The following PTPRT variants were observed in gnomAD, a reference collection of about 807,000 sequenced individuals.
PTPRT encodes the protein receptor-type tyrosine-protein phosphatase T.
In PTPRT, 56 loss-of-function variants were observed where a neutral mutation model predicts 176.8. That is an observed-to-expected ratio of 0.32 (90% CI 0.26 to 0.40). The LOEUF (loss-of-function observed/expected upper bound fraction) is 0.40, where lower values mean the gene tolerates loss of function less well. Among genes scored for constraint, PTPRT ranks in the 10% least tolerant of loss-of-function variants. The pLI is 1.00. For synonymous variants in PTPRT, 783 were observed against 739.0 expected (o/e 1.06, Z -0.96); for missense variants, 1,540 against 1,908.2 (o/e 0.81, Z 3.60).
intron 1 of PTPRT, among the ~76,000 whole-genome samples, chr20:43,149,435 T>C (rs17750974): frequency 0.038 from 5,727 of 152,238 alleles, 139 homozygotes; most frequent in Non-Finnish European, 0.052. Context: ...AGACAATGTA[T>C]AAGGCACAGT....
intron 1 of PTPRT, among the ~76,000 whole-genome samples, chr20:43,153,518 T>G (rs1419983463): frequency 6.6e-6 from 1 of 152,228 alleles, no homozygotes; most frequent in African/African-American, 2.4e-5. Flanking sequence ...GTTAGTTCCC[T>G]GCCTTCAGGA....
intron 9 of PTPRT, among the ~76,000 whole-genome samples, chr20:42,426,360 C>G (rs756079020): frequency 1.3e-5 from 2 of 152,096 alleles, no homozygotes; most frequent in African/African-American, 4.8e-5. Flanking sequence ...TGGGGATGTT[C>G]AGAGAGGAAA....
At chr20:42,095,228 G>GC (rs1294134380) in intron 27 of PTPRT, among the ~76,000 whole-genome samples, 1 of 152,168 alleles carries the variant, frequency 6.6e-6, no homozygotes, top group Non-Finnish European at 1.5e-5. Context: ...CAACACAGCA[G>GC]CCAGAGGGAT....
intron 9 of PTPRT, among the ~76,000 whole-genome samples, chr20:42,412,240 T>C (rs1032746575): frequency 2.6e-5 from 4 of 152,150 alleles, no homozygotes; most frequent in African/African-American, 9.7e-5. Flanking sequence ...ACTTAAAATA[T>C]AGGCAAGCAG....
chr20:42,678,420 C>T (rs755298934), intron 6 of PTPRT, among the ~76,000 whole-genome samples: 7 of 152,196 alleles, frequency 4.6e-5, no homozygotes, highest in Non-Finnish European at 1.0e-4. Context: ...CATGCCTCAG[C>T]CTCCCAAGTA....
rs183650495 is a variant in PTPRT at position 42,345,518 on chromosome 20, G to T, written c.1865+5110C>A. Among the ~76,000 whole-genome samples, 563 of 144,480 alleles carry T rather than the reference G, an allele frequency of 3.9e-3. 5 individuals are homozygous for T. Among genetic ancestry groups the T allele is most frequent in the African/African-American group, 0.014 (533 of 39,106 alleles). 94.8% of individuals were successfully genotyped at this position (144,480 alleles called of 152,430 possible). A position where few individuals can be genotyped will look rare whatever the true frequency, so the allele number is the denominator to read the frequency against. On this transcript the variant is annotated intron_variant, in intron 11 of 30. Transcript: ENST00000373187. The stretch of plus-strand genomic sequence containing the variant: ...CATATATATAAAACTAGTTACTATA[G>T]ATATACATATATATATAAAACTAGT...
At chr20:42,952,806 C>T (rs1279019843) in intron 1 of PTPRT, among the ~76,000 whole-genome samples, 1 of 152,224 alleles carries the variant, frequency 6.6e-6, no homozygotes, top group Admixed American at 6.5e-5. Context: ...CTACCAGCAT[C>T]TTGCTTTATG....
intron 6 of PTPRT, among the ~76,000 whole-genome samples, chr20:42,740,693 G>A (rs968831091): frequency 7.2e-5 from 11 of 152,212 alleles, no homozygotes; most frequent in Non-Finnish European, 1.3e-4. Flanking sequence ...GGGAAGAACT[G>A]GCAAGTGGGG....
chr20:42,141,255 C>T (rs1026469238), intron 18 of PTPRT, among the ~76,000 whole-genome samples: 1 of 152,166 alleles, frequency 6.6e-6, no homozygotes, highest in Non-Finnish European at 1.5e-5. Flanking sequence ...ATCTGTGTTG[C>T]CCTAAACTCT....
At chr20:42,262,097 G>A (rs1030562855) in intron 13 of PTPRT, among the ~76,000 whole-genome samples, 3 of 152,216 alleles carry the variant, frequency 2.0e-5, no homozygotes, top group Middle Eastern at 3.2e-3. Flanking sequence ...CAGCAAGCAC[G>A]GAATTGATTG....
intron 5 of PTPRT, among the ~76,000 whole-genome samples, chr20:42,761,555 T>G (rs916984707): frequency 2.0e-5 from 3 of 152,256 alleles, no homozygotes; most frequent in African/African-American, 7.2e-5. Flanking sequence ...TTAACAAACC[T>G]TCCTGGGGAT....
chr20:42,367,253 T>C (rs564055828), intron 9 of PTPRT, among the ~76,000 whole-genome samples: 315 of 152,326 alleles, frequency 2.1e-3, no homozygotes, highest in Middle Eastern at 0.01. Context: ...GAAGTTGAAA[T>C]GTGTCCATGT....
rs369797500 is a variant in PTPRT, at chr20:42,527,036, T to C, written c.1154-54474A>G. On this transcript the variant is annotated intron_variant, in intron 7 of 30. Coordinates refer to ENST00000373187, the MANE Select transcript of PTPRT (RefSeq NM_007050.6). ...TGGAGTGCAGTGGCACGATCTCAGCTCACTGCAAGCTCCTCCTCCCGGGTT... is the reference window on the plus strand; with the variant it reads ...TGGAGTGCAGTGGCACGATCTCAGCCCACTGCAAGCTCCTCCTCCCGGGTT... Among the ~76,000 whole-genome samples the C allele has an allele frequency of 1.3e-4, 18 of 137,838 alleles. No homozygotes were observed. In the East Asian group the frequency reaches 1.9e-3, roughly 15 times the overall value. 90.4% of individuals were successfully genotyped at this position (137,838 alleles called of 152,430 possible).
At chr20:42,964,630 A>G (rs1982192821) in intron 1 of PTPRT, among the ~76,000 whole-genome samples, 1 of 152,188 alleles carries the variant, frequency 6.6e-6, no homozygotes, top group Non-Finnish European at 1.5e-5. Context: ...GACTAATATA[A>G]TTAGTAATAT....
chr20:43,126,368 AAAG>A (rs1452037915), intron 1 of PTPRT, among the ~76,000 whole-genome samples: 1 of 151,666 alleles, frequency 6.6e-6, no homozygotes, highest in African/African-American at 2.4e-5. Flanking sequence ...AAAAAAAAAG[AAAG>A]AAAAAAAAAA....
Position 42,672,427 on chromosome 20 carries a change from G to A in PTPRT, c.1153+5439C>T, listed in dbSNP as rs773422835. On this transcript the variant is annotated intron_variant, in intron 7 of 30. Transcript: ENST00000373187. ...ACAGCCTAGACCTCACCTTGTGATC[G>A]TGTGAGTCAATACTCCTTAATAAAC... 3.9e-5 allele frequency among the ~76,000 whole-genome samples: 6 copies of A among 152,150 alleles called. No individual in the cohort carries two copies. In the South Asian group the frequency reaches 6.2e-4, roughly 16 times the overall value.
At chr20:42,890,461 A>G (rs1284793068) in intron 1 of PTPRT, among the ~76,000 whole-genome samples, 1 of 152,168 alleles carries the variant, frequency 6.6e-6, no homozygotes, top group East Asian at 1.9e-4. Context: ...GAACAAGATG[A>G]TTGCAATGAA....
chr20:42,894,220 G>T (rs557308866), intron 1 of PTPRT, among the ~76,000 whole-genome samples: 1 of 152,208 alleles, frequency 6.6e-6, no homozygotes, highest in African/African-American at 2.4e-5. Flanking sequence ...AGAAATGAGA[G>T]TATTTGCGAG....
At chr20:42,490,042 G>A (rs528088682) in intron 7 of PTPRT, among the ~76,000 whole-genome samples, 12 of 152,252 alleles carry the variant, frequency 7.9e-5, no homozygotes, top group African/African-American at 2.9e-4. Flanking sequence ...TATCACACAT[G>A]AAGTTTCCAG....
Sources: allele counts gnomAD v4.1 joint callset (sites outside exome capture counted in the v4.1 genomes callset), GRCh38; gene constraint gnomAD v4.1.1; transcripts MANE v1.5; gene names NCBI Gene and HGNC (gene_info 2026-07-23, HGNC 2026-07-21).